The following OTOGL variants were observed in gnomAD, a reference collection of about 807,000 sequenced individuals.
The protein encoded by OTOGL is otogelin like, also known as otogelin-like protein.
OTOGL carries 285 observed loss-of-function variants against 318.5 expected under a neutral mutation model. That is an observed-to-expected ratio of 0.89 (90% CI 0.81 to 0.99). The LOEUF (loss-of-function observed/expected upper bound fraction) is 0.99. Among genes scored for constraint, OTOGL ranks in the 50% least tolerant of loss-of-function variants. The pLI, the probability that OTOGL is intolerant of heterozygous loss-of-function variation, is 0.00. For synonymous variants in OTOGL, 987 were observed against 936.5 expected (o/e 1.05, Z -0.99); for missense variants, 2,899 against 2,845.6 (o/e 1.02, Z -0.43).
At chr12:80,265,671 C>G (rs1324128677) in intron 20 of OTOGL, 1 of 175,752 alleles carries the variant, frequency 5.7e-6, no homozygotes, top group Non-Finnish European at 1.2e-5. Flanking sequence ...AGATTGTTTC[C>G]TTGTGTGTTT....
chr12:80,186,630 CG>C (rs1262715687), intron 1 of OTOGL, among the ~76,000 whole-genome samples: 1 of 152,088 alleles, frequency 6.6e-6, no homozygotes, highest in Non-Finnish European at 1.5e-5. Flanking sequence ...TATTTTCAGA[CG>C]TATCGCTCAC....
At chr12:80,285,223 T>G (rs375477168) in intron 26 of OTOGL, among the ~76,000 whole-genome samples, 1 of 152,078 alleles carries the variant, frequency 6.6e-6, no homozygotes, top group East Asian at 1.9e-4. Flanking sequence ...CTCTGTTAGG[T>G]TCCATTGGTC....
chr12:80,252,194 C>T lies in OTOGL; in HGVS notation c.1278C>T (p.Cys426=). 6.3e-7 allele frequency: 1 copy of T among 1,598,234 alleles called. No individual in the cohort carries two copies. ...TCCATTGTCTTGATGGATGTTACTG[C>T]CCAGATGGTAAGTGCTTCATGAAGA... ...SNLHCLDGCY[C]PDGLVMDNGT... Residue 426 remains cysteine (C), a synonymous_variant, in exon 13 of 59, where the codon TGC becomes TGT. Transcript: ENST00000547103.
At chr12:80,158,381 C>T (rs945168138) in intron 1 of OTOGL, among the ~76,000 whole-genome samples, 4 of 151,838 alleles carry the variant, frequency 2.6e-5, no homozygotes, top group Non-Finnish European at 5.9e-5. Flanking sequence ...CCAAAAGATT[C>T]TGAATTTAGA....
At chr12:80,213,274 T>A (rs1877411415) in intron 4 of OTOGL, among the ~76,000 whole-genome samples, 1 of 152,222 alleles carries the variant, frequency 6.6e-6, no homozygotes, top group Non-Finnish European at 1.5e-5. Context: ...GGTGGGAGTG[T>A]CTTTTAGCAT....
In OTOGL at chr12:80,302,708, C is replaced by A; in HGVS notation, c.3138C>A (p.Tyr1046Ter). 1 of 1,534,910 alleles carries A rather than the reference C, an allele frequency of 6.5e-7. No homozygotes were observed. Among genetic ancestry groups the A allele is most frequent in the Non-Finnish European group, 8.7e-7 (1 of 1,145,046 alleles). ...LWKAGYYIVV[Y>*]FPEKDITILW... Reference sequence around the variant, plus strand: ...AGGCTGGTTACTATATAGTAGTATACTTTCCAGAGAAAGATATCACTATTC... The same window carrying A: ...AGGCTGGTTACTATATAGTAGTATAATTTCCAGAGAAAGATATCACTATTC... The change falls in exon 28 of 59, where the codon TAC (tyrosine) becomes TAA (stop). Residue 1046 changes from tyrosine (Y) to a stop codon, truncating the protein, a stop_gained. Transcript: ENST00000547103. LOFTEE classifies it high-confidence loss of function.
intron 1 of OTOGL, among the ~76,000 whole-genome samples, chr12:80,199,714 T>C (rs1396707445): frequency 1.3e-5 from 2 of 152,226 alleles, no homozygotes; most frequent in African/African-American, 4.8e-5. Context: ...TAGGAGTCTC[T>C]GTTCTCTCTT....
At chr12:80,159,164 GCAAC>G (rs1353115619) in intron 1 of OTOGL, among the ~76,000 whole-genome samples, 1 of 152,100 alleles carries the variant, frequency 6.6e-6, no homozygotes, top group East Asian at 1.9e-4. Flanking sequence ...AACCATCCCT[GCAAC>G]CCTAGTATGA....
rs1255638977 is a variant in OTOGL at position 80,108,928 on chromosome 12, A to ATGTGTG, written c.-20+9327_-20+9332dup. 2.9e-3 allele frequency among the ~76,000 whole-genome samples: 255 copies of ATGTGTG among 88,168 alleles called. 3 individuals carry two copies. Among genetic ancestry groups the ATGTGTG allele is most frequent in the African/African-American group, 0.012 (244 of 19,946 alleles). 57.8% of individuals were successfully genotyped at this position (88,168 alleles called of 152,430 possible). ...TGTGTATATATATGTGTATATATATATGTGTGTGTATATATATATATATAT... is the reference window on the plus strand; with the variant it reads ...TGTGTATATATATGTGTATATATATATGTGTGTGTGTGTGTATATATATATATATAT... On this transcript the variant is annotated intron_variant, in intron 1 of 58. Coordinates refer to ENST00000547103, the MANE Select transcript of OTOGL (RefSeq NM_001378609.3).
At chr12:80,308,236 C>A (rs1281006341) in intron 29 of OTOGL, among the ~76,000 whole-genome samples, 1 of 150,638 alleles carries the variant, frequency 6.6e-6, no homozygotes, top group African/African-American at 2.4e-5. Flanking sequence ...TGGAGGGGCT[C>A]CTCACTTCTC....
chr12:80,160,810 A>G (rs372369084), intron 1 of OTOGL, among the ~76,000 whole-genome samples: 6 of 152,330 alleles, frequency 3.9e-5, no homozygotes, highest in Admixed American at 2.6e-4. Context: ...ACAGTTCACA[A>G]TTGCAGAAGT....
chr12:80,305,513 A>G, intron 28 of OTOGL, 63 bp from the exon 29 acceptor site: 4 of 1,260,440 alleles, frequency 3.2e-6, no homozygotes, highest in Non-Finnish European at 3.0e-6. Context: ...GTTTTAATGA[A>G]TATGAGTCTT....
rs780648391 is a variant in OTOGL at position 80,254,555 on chromosome 12, G to A, written c.1426G>A (p.Glu476Lys). ...VCVGGVWNCT[E>K]QDCPVQCSVV... ...TGTTGGTGGAGTTTGGAACTGCACT[G>A]AGCAAGACTGTCCAGGTAATTTTTT... is the stretch of plus-strand genomic sequence containing the variant. The change falls in exon 15 of 59, where the codon GAG (glutamate) becomes AAG (lysine). Residue 476 changes from glutamate (E) to lysine (K), a missense_variant. Physicochemically the swap from Glu to Lys is moderately conservative, Grantham distance 56. This residue lies in a region of OTOGL where 2,607 missense variants were observed against 2,524.9 expected (regional missense o/e 1.03). Coordinates refer to ENST00000547103, the MANE Select transcript of OTOGL (RefSeq NM_001378609.3). 2 of 1,607,308 alleles carry A rather than the reference G, an allele frequency of 1.2e-6. No individual in the cohort carries two copies. Among genetic ancestry groups the A allele is most frequent in the South Asian group, 2.2e-5 (2 of 90,248 alleles).
intron 29 of OTOGL, among the ~76,000 whole-genome samples, chr12:80,309,876 G>T (rs1886513617): frequency 6.6e-6 from 1 of 152,174 alleles, no homozygotes; most frequent in Admixed American, 6.5e-5. Context: ...TAGGGATATG[G>T]CAGTGACTAG....
intron 1 of OTOGL, among the ~76,000 whole-genome samples, chr12:80,163,779 G>A (rs1873671755): frequency 6.6e-6 from 1 of 152,118 alleles, no homozygotes; most frequent in African/African-American, 2.4e-5. Flanking sequence ...CAATGACAGA[G>A]GAGCAAGAGA....
At chr12:80,238,101 A>G (rs1592589186) in intron 9 of OTOGL, among the ~76,000 whole-genome samples, 1 of 152,188 alleles carries the variant, frequency 6.6e-6, no homozygotes, top group African/African-American at 2.4e-5. Flanking sequence ...TAAAAACTTG[A>G]TTTAGAACAG....
At chr12:80,128,817 G>T (rs181971089) in intron 1 of OTOGL, among the ~76,000 whole-genome samples, 1 of 152,188 alleles carries the variant, frequency 6.6e-6, no homozygotes, top group Non-Finnish European at 1.5e-5. Flanking sequence ...GCGAGGCTTC[G>T]TAGGCATAGG....
chr12:80,229,029 C>T (rs1345308920), intron 7 of OTOGL, among the ~76,000 whole-genome samples: 1 of 152,110 alleles, frequency 6.6e-6, no homozygotes, highest in African/African-American at 2.4e-5. Flanking sequence ...TGCGAAGATT[C>T]AAATCGTTCA....
chr12:80,209,049 T>C (rs1249917941), intron 1 of OTOGL, among the ~76,000 whole-genome samples: 1 of 152,186 alleles, frequency 6.6e-6, no homozygotes, highest in African/African-American at 2.4e-5. Context: ...GATCAACCAT[T>C]AGGAATAATG....
Sources: allele counts gnomAD v4.1 joint callset (sites outside exome capture counted in the v4.1 genomes callset), GRCh38; gene constraint gnomAD v4.1.1; regional missense constraint gnomAD v4.1.1; transcripts MANE v1.5; gene names NCBI Gene and HGNC (gene_info 2026-07-23, HGNC 2026-07-21).